Variants in PDLIM5 observed in about 807,000 individuals in gnomAD.
PDLIM5 encodes the protein PDZ and LIM domain 5.
Under a neutral mutation model 64.2 loss-of-function variants are expected in PDLIM5, and 34 were observed. The ratio of observed to expected loss-of-function variants is 0.53; its 90% CI spans 0.40 to 0.71. The LOEUF (loss-of-function observed/expected upper bound fraction) is 0.71, where lower values mean the gene tolerates loss of function less well. PDLIM5 is among the 30% of genes least tolerant of loss of function. The pLI is 0.00. For synonymous variants in PDLIM5, 253 were observed against 269.1 expected, an observed-to-expected ratio of 0.94 and a Z score of 0.59; for missense variants, 683 against 733.6, an observed-to-expected ratio of 0.93 and a Z score of 0.80.
At chr4:94,523,511 T>A (rs145471459) in intron 2 of PDLIM5, among the ~76,000 whole-genome samples, 61 of 152,312 alleles carry the variant, frequency 4.0e-4, no homozygotes, top group East Asian at 2.1e-3. Context: ...AGTTTTTTTT[T>A]ATAGAGCAAA....
chr4:94,575,968 A>G lies in PDLIM5; in HGVS notation c.644A>G (p.Glu215Gly). 1 of 1,614,146 alleles carries G rather than the reference A, an allele frequency of 6.2e-7. No individual in the cohort carries two copies. The change falls in exon 5 of 13, where the codon GAG becomes GGG. Residue 215 changes from glutamate (E) to glycine (G), a missense_variant. By Grantham distance (98) the Glu-to-Gly change is moderately conservative. Coordinates refer to ENST00000317968, the MANE Select transcript of PDLIM5 (RefSeq NM_006457.5). ...RQPTVTSVCS[E>G]TSQELAEGQR... ...CCCACAGTCACCAGCGTGTGTTCCGAGACTTCTCAGGAGCTAGCAGAGGGA... is the reference window on the plus strand; with the variant it reads ...CCCACAGTCACCAGCGTGTGTTCCGGGACTTCTCAGGAGCTAGCAGAGGGA...
intron 2 of PDLIM5, among the ~76,000 whole-genome samples, chr4:94,478,890 GTTTTTTT>G (rs67013211): frequency 1.4e-4 from 13 of 94,068 alleles, no homozygotes; most frequent in Admixed American, 2.6e-4. Flanking sequence ...TGTGCTTGGT[GTTTTTTT>G]TTTTTTTTTT....
chr4:94,641,344 T>A (rs1389573667), intron 9 of PDLIM5, among the ~76,000 whole-genome samples: 1 of 152,230 alleles, frequency 6.6e-6, no homozygotes, highest in Admixed American at 6.5e-5. Flanking sequence ...ATAATGTTTC[T>A]AGGTAATATT....
At chr4:94,530,884 T>C (rs962197935) in intron 3 of PDLIM5, among the ~76,000 whole-genome samples, 3 of 152,308 alleles carry the variant, frequency 2.0e-5, no homozygotes, top group Non-Finnish European at 4.4e-5. Context: ...ATCTTTTGTC[T>C]CATTTTAATG....
intron 2 of PDLIM5, among the ~76,000 whole-genome samples, chr4:94,493,847 C>A (rs1477630842): frequency 6.6e-6 from 1 of 152,164 alleles, no homozygotes; most frequent in African/African-American, 2.4e-5. Context: ...AATCTGCCTT[C>A]TCACTGTATA....
intron 5 of PDLIM5, chr4:94,585,033 G>T: frequency 8.5e-7 from 1 of 1,179,460 alleles, no homozygotes; most frequent in Non-Finnish European, 1.2e-6. Context: ...CATTCTAATA[G>T]CATTATTTTA....
rs1251873168 is a variant in PDLIM5 at position 94,611,077 on chromosome 4, C to T, written c.921-6927C>T. Reference sequence around the variant, plus strand: ...TTCTAAATGCTTACCAGGCTCTACACTCCTGAAAGATATCACTCACTCCTG... The same window carrying T: ...TTCTAAATGCTTACCAGGCTCTACATTCCTGAAAGATATCACTCACTCCTG... On this transcript the variant is annotated intron_variant, in intron 7 of 12. Transcript: ENST00000317968. 3.3e-6 allele frequency: 5 copies of T among 1,534,156 alleles called. No homozygotes were observed. The South Asian group carries it at 4.8e-5, about 15-fold the overall frequency.
chr4:94,598,396 A>G (rs1459437418), intron 7 of PDLIM5, among the ~76,000 whole-genome samples: 1 of 152,164 alleles, frequency 6.6e-6, no homozygotes, highest in Non-Finnish European at 1.5e-5. Context: ...GATAATCCCA[A>G]GAAAATCAAC....
chr4:94,640,246 T>C, intron 8 of PDLIM5, 30 bp from the exon 9 acceptor site: 1 of 1,330,500 alleles, frequency 7.5e-7, no homozygotes, highest in Non-Finnish European at 1.1e-6. Flanking sequence ...TGGCTTATTC[T>C]CATTCTGATT....
intron 2 of PDLIM5, among the ~76,000 whole-genome samples, chr4:94,499,980 T>C (rs1378509199): frequency 6.6e-6 from 1 of 152,178 alleles, no homozygotes; most frequent in Non-Finnish European, 1.5e-5. Context: ...TTGTCTTCCA[T>C]GAAACCAGTC....
rs1209504856 is a variant in PDLIM5, at chr4:94,618,600, A to G, written c.1108+409A>G. Among the ~76,000 whole-genome samples, 4 of 152,356 alleles carry G rather than the reference A, an allele frequency of 2.6e-5. No individual in the cohort carries two copies. The East Asian group carries it at 7.7e-4, about 29-fold the overall frequency. ...CCATCAAACAATTACTGAAGAAAGC[A>G]TCTTCCAATTCTTGTTCTTACAGTT... On this transcript the variant is annotated intron_variant, in intron 8 of 12. Transcript: ENST00000317968.
chr4:94,639,856 C>T (rs753900302), intron 8 of PDLIM5, among the ~76,000 whole-genome samples: 7 of 151,962 alleles, frequency 4.6e-5, no homozygotes, highest in Non-Finnish European at 7.4e-5. Flanking sequence ...GGAGAAACCC[C>T]GTCTCTACTA....
chr4:94,570,152 A>G (rs1445730222), intron 3 of PDLIM5, among the ~76,000 whole-genome samples: 1 of 152,180 alleles, frequency 6.6e-6, no homozygotes, highest in Non-Finnish European at 1.5e-5. Flanking sequence ...GAAGTATTAT[A>G]ATTATCAAAT....
intron 2 of PDLIM5, among the ~76,000 whole-genome samples, chr4:94,478,560 G>A (rs1455721809): frequency 1.3e-5 from 2 of 152,020 alleles, no homozygotes; most frequent in Non-Finnish European, 2.9e-5. Context: ...TCTACTTATG[G>A]CATCAATTCC....
At chr4:94,593,146 T>C (rs1388053519) in intron 7 of PDLIM5, among the ~76,000 whole-genome samples, 1 of 152,180 alleles carries the variant, frequency 6.6e-6, no homozygotes, top group Non-Finnish European at 1.5e-5. Flanking sequence ...TGTAATAGTA[T>C]AAATTGGAAG....
chr4:94,646,758 A>C (rs1741445463), intron 9 of PDLIM5, among the ~76,000 whole-genome samples: 1 of 152,188 alleles, frequency 6.6e-6, no homozygotes, highest in South Asian at 2.1e-4. Context: ...CTTCTATGCA[A>C]GTTACCATAC....
intron 2 of PDLIM5, among the ~76,000 whole-genome samples, chr4:94,506,722 G>C (rs1728428084): frequency 6.6e-6 from 1 of 152,132 alleles, no homozygotes; most frequent in Admixed American, 6.5e-5. Flanking sequence ...CAACTTGGTT[G>C]GATTGAAGGA....
intron 8 of PDLIM5, among the ~76,000 whole-genome samples, chr4:94,625,388 G>T (rs1739584044): frequency 6.6e-6 from 1 of 151,812 alleles, no homozygotes. Context: ...AACATATATT[G>T]ATATTAGTTG....
At chr4:94,463,138 A>G (rs1724047184) in intron 2 of PDLIM5, among the ~76,000 whole-genome samples, 1 of 152,210 alleles carries the variant, frequency 6.6e-6, no homozygotes, top group Non-Finnish European at 1.5e-5. Context: ...TGTTTTTGGC[A>G]TAGTGCCCTG....
Sources: gnomAD v4.1 joint callset for allele counts (sites outside exome capture counted in the v4.1 genomes callset) on GRCh38, gnomAD v4.1.1 for gene constraint, MANE v1.5 for transcripts, NCBI Gene and HGNC (gene_info 2026-07-23, HGNC 2026-07-21) for gene names.